CALCR: variants seen among roughly 807,000 people sequenced by gnomAD.
CALCR encodes calcitonin receptor.
A neutral mutation model predicts 59.5 loss-of-function variants in CALCR; 47 were observed. The observed-to-expected ratio is 0.79, with a 90% CI of 0.63 to 1.01. The LOEUF is 1.01. Ranked by LOEUF, CALCR falls within the 50% of genes least tolerant of loss-of-function variation. The pLI is 0.00. For synonymous variants in CALCR, 213 were observed against 211.3 expected, an observed-to-expected ratio of 1.01 and a Z score of -0.07; for missense variants, 566 against 597.1, an observed-to-expected ratio of 0.95 and a Z score of 0.54.
chr7:93,438,034 T>C, intron 11 of CALCR, 26 bp downstream of exon 11: 1 of 1,571,882 alleles, frequency 6.4e-7, no homozygotes, highest in Non-Finnish European at 8.8e-7. Flanking sequence ...ATACTACTAA[T>C]ATTGCAATAA....
intron 2 of CALCR, among the ~76,000 whole-genome samples, chr7:93,554,769 G>GTGTATATATATATATATATATATATA (rs1554408434): frequency 8.5e-6 from 1 of 117,200 alleles, no homozygotes; most frequent in African/African-American, 4.4e-5. Flanking sequence ...GCCAGGCCAT[G>GTGTATATATATATATATATATATATA]TATATATATA....
chr7:93,568,216 C>T (rs1409489796), intron 2 of CALCR, among the ~76,000 whole-genome samples: 2 of 152,014 alleles, frequency 1.3e-5, no homozygotes, highest in Non-Finnish European at 1.5e-5. Flanking sequence ...AAACGCTGTC[C>T]AGGAAAGGCT....
chr7:93,455,621 T>C (rs765404756), intron 8 of CALCR, among the ~76,000 whole-genome samples: 3 of 152,064 alleles, frequency 2.0e-5, no homozygotes, highest in Non-Finnish European at 4.4e-5. Flanking sequence ...CTATTTTGCC[T>C]GTATCCTTAG....
chr7:93,494,661 A>T (rs1286258931), intron 2 of CALCR, among the ~76,000 whole-genome samples: 1 of 151,424 alleles, frequency 6.6e-6, no homozygotes, highest in Non-Finnish European at 1.5e-5. Flanking sequence ...CCTGGGTTAA[A>T]CAATGCCTTG....
At chr7:93,439,090 A>AT (rs1799845351) in intron 9 of CALCR, among the ~76,000 whole-genome samples, 2 of 152,172 alleles carry the variant, frequency 1.3e-5, no homozygotes, top group Admixed American at 1.3e-4. Context: ...GTTTGATTTG[A>AT]TTGAGACATC....
chr7:93,476,356 A>C (rs1800666095), intron 5 of CALCR, among the ~76,000 whole-genome samples: 1 of 151,790 alleles, frequency 6.6e-6, no homozygotes, highest in Non-Finnish European at 1.5e-5. Flanking sequence ...GCATTTCATT[A>C]ATGTGTTTTG....
At chr7:93,483,228 G>A (rs1800840370) in intron 3 of CALCR, among the ~76,000 whole-genome samples, 1 of 151,514 alleles carries the variant, frequency 6.6e-6, no homozygotes, top group African/African-American at 2.4e-5. Flanking sequence ...ATCATCCCCA[G>A]ATTATTTATA....
chr7:93,460,568 A>ATATATATATATAT (rs1205349964), intron 8 of CALCR, among the ~76,000 whole-genome samples: 2 of 80,030 alleles, frequency 2.5e-5, no homozygotes, highest in African/African-American at 1.8e-4. Context: ...AAAAAAAAAA[A>ATATATATATATAT]AAAAATATAT....
intron 13 of CALCR, among the ~76,000 whole-genome samples, chr7:93,431,386 T>C (rs1799656264): frequency 6.6e-6 from 1 of 152,200 alleles, no homozygotes; most frequent in African/African-American, 2.4e-5. Context: ...GTGCTGAAGA[T>C]AGATTCACAG....
Position 93,436,065 on chromosome 7 carries a change from T to C in CALCR, c.1036A>G (p.Met346Val). 2 of 1,614,076 alleles carry C rather than the reference T, an allele frequency of 1.2e-6. No homozygotes were observed. The highest frequency in any genetic ancestry group is 1.7e-6 in the Non-Finnish European group (2 of 1,179,936). ...ATTCCCAGCAGGGGCACAAGGATCA[T>C]GGTGGCCTTCACAGCCTTCAGGTAC... Reference protein sequence around the residue: ...HMYLKAVKATMILVPLLGIQF... With the variant: ...HMYLKAVKATVILVPLLGIQF... Residue 346 changes from methionine to valine, a missense_variant, in exon 12 of 14, where the codon ATG (methionine) becomes GTG (valine). By Grantham distance (21) the Met-to-Val change is conservative. Coordinates refer to ENST00000426151, the MANE Select transcript of CALCR (RefSeq NM_001742.4).
chr7:93,483,431 A>G (rs957222178), intron 3 of CALCR, among the ~76,000 whole-genome samples: 3 of 137,914 alleles, frequency 2.2e-5, no homozygotes, highest in Non-Finnish European at 4.4e-5. Flanking sequence ...ATAGATAGAT[A>G]GATAGATAGA....
intron 2 of CALCR, among the ~76,000 whole-genome samples, chr7:93,492,253 G>A (rs1257672261): frequency 1.3e-5 from 2 of 150,956 alleles, no homozygotes; most frequent in Non-Finnish European, 3.0e-5. Flanking sequence ...TGGTGGGAGG[G>A]GTGCGAAGGG....
chr7:93,486,686 C>G (rs893647253), intron 3 of CALCR, among the ~76,000 whole-genome samples: 1 of 151,442 alleles, frequency 6.6e-6, no homozygotes, highest in Admixed American at 6.6e-5. Flanking sequence ...AAAATTAATG[C>G]TAAAGTTTTG....
intron 2 of CALCR, among the ~76,000 whole-genome samples, chr7:93,526,968 A>G (rs1188540288): frequency 6.6e-6 from 1 of 152,094 alleles, no homozygotes; most frequent in Non-Finnish European, 1.5e-5. Context: ...TGTTCCAAAG[A>G]ACATAAAACT....
Position 93,486,976 on chromosome 7 carries a change from C to T in CALCR, c.6G>A (p.Arg2=), listed in dbSNP as rs2115931321. ...CCAAGCACCGGCTTGTAAATGTGAA[C>T]CTCATTTTTGATTTTTGAAGATCTC... is the stretch of plus-strand genomic sequence containing the variant. M[R]FTFTSRCLAL... is the part of the protein sequence containing the mutation. The change falls in exon 3 of 14, where the codon AGG becomes AGA. Residue 2 remains arginine, a synonymous_variant. Coordinates refer to ENST00000426151, the MANE Select transcript of CALCR (RefSeq NM_001742.4). 6.2e-7 allele frequency: 1 copy of T among 1,600,182 alleles called. No individual in the cohort carries two copies. Among genetic ancestry groups the T allele is most frequent in the Non-Finnish European group, 8.5e-7 (1 of 1,170,590 alleles).
At chr7:93,549,981 A>G (rs1479939521) in intron 2 of CALCR, among the ~76,000 whole-genome samples, 3 of 152,216 alleles carry the variant, frequency 2.0e-5, no homozygotes, top group Non-Finnish European at 2.9e-5. Flanking sequence ...TAAATGCAAT[A>G]ATTTGCTTCA....
chr7:93,470,021 A>G (rs1372937735), intron 6 of CALCR, among the ~76,000 whole-genome samples: 1 of 151,728 alleles, frequency 6.6e-6, no homozygotes, highest in Non-Finnish European at 1.5e-5. Flanking sequence ...TGAAATGAAC[A>G]TTCCTTTTCT....
At chr7:93,482,704 CAG>C in intron 3 of CALCR, 1 of 505,026 alleles carries the variant, frequency 2.0e-6, no homozygotes, top group East Asian at 5.8e-5. Context: ...ACATCAGTAA[CAG>C]TGGAAATACG....
intron 8 of CALCR, among the ~76,000 whole-genome samples, chr7:93,456,202 A>G (rs1464113999): frequency 6.6e-6 from 1 of 152,152 alleles, no homozygotes; most frequent in African/African-American, 2.4e-5. Context: ...TATGCTGTTT[A>G]TATGTATTTG....
Sources: gnomAD v4.1 joint callset for allele counts (sites outside exome capture counted in the v4.1 genomes callset) on GRCh38, gnomAD v4.1.1 for gene constraint, MANE v1.5 for transcripts, NCBI Gene and HGNC (gene_info 2026-07-23, HGNC 2026-07-21) for gene names.